Variants in DNAJC19 observed in about 807,000 individuals in gnomAD.
DNAJC19 encodes mitochondrial import inner membrane translocase subunit TIM14.
A neutral mutation model predicts 19.8 loss-of-function variants in DNAJC19; 15 were observed. The ratio of observed to expected loss-of-function variants is 0.76; its 90% confidence interval spans 0.51 to 1.17. DNAJC19 has a LOEUF of 1.17. Ranked by LOEUF, DNAJC19 falls within the 50% of genes most tolerant of loss-of-function variation. DNAJC19 has a pLI of 0.00. For missense variants in DNAJC19, 105 were observed against 140.9 expected (o/e 0.75, Z 1.29); for synonymous variants, 38 against 42.1 (o/e 0.90, Z 0.38).
chr3:180,989,755 C>A, upstream of DNAJC19: 2 of 1,287,346 alleles, frequency 1.6e-6, no homozygotes, highest in Non-Finnish European at 2.2e-6. Flanking sequence ...CAGCCGCAAA[C>A]TAGGCCGGAA....
chr3:180,987,160 G>A (rs892503093), intron 3 of DNAJC19, 138 bp from the exon 4 acceptor site: 5 of 732,402 alleles, frequency 6.8e-6, no homozygotes, highest in Non-Finnish European at 1.2e-5. Context: ...AGGTATTTTA[G>A]CTAAAGCTGA....
At chr3:180,987,898 G>T in intron 3 of DNAJC19, 125 bp downstream of exon 3, 1 of 1,126,810 alleles carries the variant, frequency 8.9e-7, no homozygotes, top group Non-Finnish European at 1.3e-6. Flanking sequence ...TACTCTCCTT[G>T]CAGGAAGCAG....
chr3:180,989,780 G>C (rs753265169), upstream of DNAJC19: 120 of 1,017,976 alleles, frequency 1.2e-4, no homozygotes, highest in Non-Finnish European at 1.6e-4. Flanking sequence ...GTCGTAAAAG[G>C]GGACGCGGAG....
chr3:180,983,861 A>T lies in DNAJC19; in HGVS notation c.*779T>A. The T allele has an allele frequency of 2.2e-6, 1 of 454,028 alleles. No individual in the cohort carries two copies. Among genetic ancestry groups the T allele is most frequent in the South Asian group, 1.6e-5 (1 of 64,466 alleles). The allele number at this position is 454,028 out of a possible 1,614,324, so 28.1% of individuals were successfully genotyped here. A position where few individuals can be genotyped will look rare whatever the true frequency, so the allele number is the denominator to read the frequency against. ...TGCAGAAGTTTGATTATGTCAAGAA[A>T]TAGCCAACTGAAGGAATAATTTATA... On this transcript the variant is annotated 3_prime_UTR_variant, in exon 6 of 6. Transcript: ENST00000382564.
At chr3:180,987,359 GTGGCT>G (rs1560040015) in intron 3 of DNAJC19, 1 of 326,336 alleles carries the variant, frequency 3.1e-6, no homozygotes, top group Non-Finnish European at 5.7e-6. Flanking sequence ...TCTGCAAGAA[GTGGCT>G]CAAGAACAGA....
rs753055824 is a variant in DNAJC19 at position 180,985,920 on chromosome 3, ACTTAC to A, written c.280+1_280+5del. The A allele has an allele frequency of 1.9e-6, 3 of 1,612,008 alleles. No homozygotes were observed. Among genetic ancestry groups the A allele is most frequent in the Non-Finnish European group, 2.5e-6 (3 of 1,178,356 alleles). On this transcript the variant is annotated splice_donor_variant and splice_donor_5th_base_variant and intron_variant, in intron 5 of 5. Transcript: ENST00000382564. LOFTEE classifies it high-confidence loss of function. ...CAACATCAACGAGAATTTAATGACT[ACTTAC>A]CTTTGTCAGGATGATTTAAAAGCAT...
chr3:180,985,151 C>A (rs1026402976), intron 5 of DNAJC19, among the ~76,000 whole-genome samples: 1 of 152,050 alleles, frequency 6.6e-6, no homozygotes, highest in African/African-American at 2.4e-5. Context: ...GCTTTACATC[C>A]TTTTTCTGTC....
chr3:180,986,921 A>G (rs1329787596), intron 4 of DNAJC19, 22 bp downstream of exon 4: 1 of 1,602,362 alleles, frequency 6.2e-7, no homozygotes, highest in Non-Finnish European at 8.5e-7. Context: ...AAAAATGCTA[A>G]AAATATTAGA....
chr3:180,989,271 G>A, intron 1 of DNAJC19: 1 of 1,311,798 alleles, frequency 7.6e-7, no homozygotes, highest in South Asian at 1.7e-5. Context: ...ATGTGTTAGG[G>A]CAAGGGCACT....
chr3:180,989,453 C>A (rs933675162), intron 1 of DNAJC19, 147 bp downstream of exon 1: 3 of 1,516,730 alleles, frequency 2.0e-6, no homozygotes, highest in African/African-American at 1.4e-5. Context: ...AGGGTTGTGT[C>A]CTGGTGAGTG....
chr3:180,988,679 C>A lies in DNAJC19; in HGVS notation c.4-450G>T, dbSNP rs561691751. Among the ~76,000 whole-genome samples the A allele has an allele frequency of 9.2e-5, 14 of 151,978 alleles. No individual in the cohort carries two copies. The East Asian group carries it at 2.7e-3, about 30-fold the overall frequency. On this transcript the variant is annotated intron_variant, in intron 1 of 5. Coordinates refer to ENST00000382564, the MANE Select transcript of DNAJC19 (RefSeq NM_145261.4). The stretch of plus-strand genomic sequence containing the variant: ...TTTGAAAACTTCTTTCATCACCAGA[C>A]AAATTAAGTCACATTAAAGTTCAAT...
chr3:180,984,931 T>C (rs975661068), intron 5 of DNAJC19, among the ~76,000 whole-genome samples: 6 of 152,106 alleles, frequency 3.9e-5, no homozygotes, highest in Non-Finnish European at 7.4e-5. Context: ...GTGGGAGATA[T>C]TTCTACAAAA....
rs550711498 is a variant in DNAJC19, at chr3:180,988,088, C to A, written c.64G>T (p.Val22Phe). The stretch of plus-strand genomic sequence containing the variant: ...TCCATATGCTTCATGGCTTGCAAAA[C>A]GTAACGGCCTAAAACCAAAAGCAAC... ...IAAAGFAGRY[V>F]LQAMKHMEPQ... The change falls in exon 3 of 6, where the codon GTT becomes TTT. Residue 22 changes from valine to phenylalanine, a missense_variant. Transcript: ENST00000382564. 4 of 1,614,166 alleles carry A rather than the reference C, an allele frequency of 2.5e-6. No individual in the cohort carries two copies. The highest frequency in any genetic ancestry group is 3.4e-6 in the Non-Finnish European group (4 of 1,180,022).
At chr3:180,984,990 ATATATAT>A (rs947381386) in intron 5 of DNAJC19, among the ~76,000 whole-genome samples, 4 of 152,138 alleles carry the variant, frequency 2.6e-5, no homozygotes, top group East Asian at 1.9e-4. Flanking sequence ...GATTTCTATC[ATATATAT>A]TAGATATATA....
At position 180,983,918 on chromosome 3, in the gene DNAJC19, T is replaced by C. The variant is rs1183104783; in HGVS notation, c.*722A>G. On this transcript the variant is annotated 3_prime_UTR_variant, in exon 6 of 6. Transcript: ENST00000382564. ...CATTACCTTTAAGGGGCTAGCTGAA[T>C]ACAATGTAAATACTCATGCCTGTAA... 2.2e-6 allele frequency: 1 copy of C among 453,874 alleles called. No individual in the cohort carries two copies. Among genetic ancestry groups the C allele is most frequent in the Admixed American group, 2.4e-5 (1 of 42,536 alleles). 28.1% of individuals were successfully genotyped at this position (453,874 alleles called of 1,614,324 possible).
chr3:180,988,912 A>AG (rs1410817042), intron 1 of DNAJC19, among the ~76,000 whole-genome samples: 7 of 151,408 alleles, frequency 4.6e-5, no homozygotes, highest in African/African-American at 1.5e-4. Flanking sequence ...TGGGAGGCTG[A>AG]GGCAGGAGAA....
chr3:180,986,659 CTATCTT>C (rs1288266257), intron 4 of DNAJC19: 2 of 392,956 alleles, frequency 5.1e-6, no homozygotes, highest in Non-Finnish European at 9.2e-6. Context: ...GCTGAGGAGT[CTATCTT>C]TAAATAAATG....
At position 180,984,500 on chromosome 3, in the gene DNAJC19, A is replaced by T. The variant is rs1449550723; in HGVS notation, c.*140T>A. 2 of 699,918 alleles carry T rather than the reference A, an allele frequency of 2.9e-6. No individual in the cohort carries two copies. Among genetic ancestry groups the T allele is most frequent in the Non-Finnish European group, 5.1e-6 (2 of 389,068 alleles). 43.4% of individuals were successfully genotyped at this position (699,918 alleles called of 1,614,324 possible). A position where few individuals can be genotyped will look rare whatever the true frequency, so the allele number is the denominator to read the frequency against. On this transcript the variant is annotated 3_prime_UTR_variant, in exon 6 of 6. Coordinates refer to ENST00000382564, the MANE Select transcript of DNAJC19 (RefSeq NM_145261.4). ...TGATTTAAAATCCCCAAATTTAAAC[A>T]AGAAAATTATACCAAGGCTTTGAGA...
intron 1 of DNAJC19, among the ~76,000 whole-genome samples, chr3:180,988,805 A>G (rs1428737638): frequency 6.6e-6 from 1 of 151,482 alleles, no homozygotes; most frequent in East Asian, 1.9e-4. Context: ...GATCGAGACC[A>G]TCCTGGCTAC....
Sources: allele counts gnomAD v4.1 joint callset (sites outside exome capture counted in the v4.1 genomes callset), GRCh38; gene constraint gnomAD v4.1.1; transcripts MANE v1.5; gene names NCBI Gene and HGNC (gene_info 2026-07-23, HGNC 2026-07-21).